The following ARFGEF3 variants were observed in gnomAD, a reference collection of about 807,000 sequenced individuals.
ARFGEF3 encodes the protein brefeldin A-inhibited guanine nucleotide-exchange protein 3.
ARFGEF3 carries 96 observed loss-of-function variants against 221.7 expected under a neutral mutation model. That is an observed-to-expected ratio of 0.43 (90% CI 0.37 to 0.51). ARFGEF3 has a LOEUF of 0.51. ARFGEF3 is among the 20% of genes least tolerant of loss of function. The probability of loss-of-function intolerance (pLI) is 0.00; values close to 1 mark genes in which losing one functional copy is unlikely to be tolerated. For synonymous variants in ARFGEF3, 1,145 were observed against 1,126.8 expected (o/e 1.02, Z -0.32); for missense variants, 2,410 against 2,789.9 (o/e 0.86, Z 3.07).
At chr6:138,329,287 C>CATT (rs1780178193) in intron 32 of ARFGEF3, among the ~76,000 whole-genome samples, 1 of 152,160 alleles carries the variant, frequency 6.6e-6, no homozygotes, top group African/African-American at 2.4e-5. Context: ...TTCCTACTCC[C>CATT]ATTTCACCCC....
rs977656684 is a variant in ARFGEF3 at position 138,339,942 on chromosome 6, A to G, written c.*3456A>G. 6.6e-6 allele frequency: 1 copy of G among 152,214 alleles called. No homozygotes were observed. Among genetic ancestry groups the G allele is most frequent in the African/African-American group, 2.4e-5 (1 of 41,448 alleles). 9.4% of individuals were successfully genotyped at this position (152,214 alleles called of 1,614,324 possible). A position where few individuals can be genotyped will look rare whatever the true frequency, so the allele number is the denominator to read the frequency against. On this transcript the variant is annotated 3_prime_UTR_variant, in exon 34 of 34. Transcript: ENST00000251691. ...CATACTTAACAGCTCGCATTAAAATACTTTAAATCAGGCGTGATGGCTCAT... is the reference window on the plus strand; with the variant it reads ...CATACTTAACAGCTCGCATTAAAATGCTTTAAATCAGGCGTGATGGCTCAT...
intron 6 of ARFGEF3, among the ~76,000 whole-genome samples, chr6:138,239,698 A>G (rs551058422): frequency 6.6e-6 from 1 of 151,800 alleles, no homozygotes; most frequent in Non-Finnish European, 1.5e-5. Flanking sequence ...ACAGTCCCAG[A>G]TATCTCTGAA....
At position 138,263,293 on chromosome 6, in the gene ARFGEF3, T is replaced by C. The variant is rs1266663835; in HGVS notation, c.1810T>C (p.Ser604Pro). 3.7e-6 allele frequency: 6 copies of C among 1,613,802 alleles called. No homozygotes were observed. The highest frequency in any genetic ancestry group is 5.1e-6 in the Non-Finnish European group (6 of 1,179,886). The change falls in exon 12 of 34, where the codon TCT becomes CCT. Residue 604 changes from serine to proline, a missense_variant. This residue lies in a region of ARFGEF3 where 594 missense variants were observed against 734.3 expected (regional missense o/e 0.81). Transcript: ENST00000251691. The stretch of plus-strand genomic sequence containing the variant: ...TTTTAGCGTTGATGACCAAGACCTT[T>C]CTAGGACAGAGTTTGATTCCTGTGA... ...SNFSVDDQDLSRTEFDSCDQY... is the reference protein window; with the variant it reads ...SNFSVDDQDLPRTEFDSCDQY...
chr6:138,203,103 C>T (rs1316503905), intron 2 of ARFGEF3, among the ~76,000 whole-genome samples: 1 of 152,184 alleles, frequency 6.6e-6, no homozygotes, highest in East Asian at 1.9e-4. Context: ...CTGTGGATTC[C>T]CTGAAATGAT....
In ARFGEF3 at chr6:138,211,859, A is replaced by G. The variant is rs376345534; in HGVS notation, c.351+1818A>G. Among the ~76,000 whole-genome samples, 28 of 152,302 alleles carry G rather than the reference A, an allele frequency of 1.8e-4. No individual in the cohort carries two copies. The East Asian group carries it at 2.5e-3, about 14-fold the overall frequency. ...TTCTGCTAGCCTTGCCGAAGATAGG[A>G]GTTGACACAGGTTAACTCCACCAGA... On this transcript the variant is annotated intron_variant, in intron 4 of 33. Coordinates refer to ENST00000251691, the MANE Select transcript of ARFGEF3 (RefSeq NM_020340.5).
chr6:138,222,345 G>A (rs1490435701), intron 4 of ARFGEF3, among the ~76,000 whole-genome samples: 2 of 152,224 alleles, frequency 1.3e-5, no homozygotes, highest in Non-Finnish European at 1.5e-5. Flanking sequence ...TGGCCTACAT[G>A]TGCCCCGTGG....
At chr6:138,226,462 A>G (rs912436248) in intron 4 of ARFGEF3, among the ~76,000 whole-genome samples, 1 of 152,106 alleles carries the variant, frequency 6.6e-6, no homozygotes, top group Non-Finnish European at 1.5e-5. Context: ...TTCCCTTTTC[A>G]TGGAAAGCTT....
chr6:138,262,790 C>G lies in ARFGEF3; in HGVS notation c.1307C>G (p.Ala436Gly). The G allele has an allele frequency of 6.2e-7, 1 of 1,614,012 alleles. No homozygotes were observed. The highest frequency in any genetic ancestry group is 1.3e-5 in the African/African-American group (1 of 75,056). ...TCCTGTGTCTGCACCTTGCTGGGTG[C>G]CCTGGATGAGCTCAGCCAGGGGAAG... ...AVSCVCTLLG[A>G]LDELSQGKGL... Residue 436 changes from alanine to glycine, a missense_variant, in exon 12 of 34, where the codon GCC becomes GGC. By Grantham distance (60) the Ala-to-Gly change is moderately conservative (BLOSUM62 0). Around this residue, in one of 5 missense-constraint regions of ARFGEF3, gnomAD observed 570 missense variants for 586.9 expected, o/e 0.97. Transcript: ENST00000251691.
At chr6:138,189,319 C>A (rs1444523213) in intron 2 of ARFGEF3, among the ~76,000 whole-genome samples, 1 of 152,170 alleles carries the variant, frequency 6.6e-6, no homozygotes, top group Non-Finnish European at 1.5e-5. Flanking sequence ...TAAGTATTGA[C>A]ACATCATGTC....
At chr6:138,180,727 T>C (rs1777062822) in intron 2 of ARFGEF3, among the ~76,000 whole-genome samples, 1 of 152,244 alleles carries the variant, frequency 6.6e-6, no homozygotes, top group Non-Finnish European at 1.5e-5. Context: ...TCAGCCTTTC[T>C]GGGCTCAGTG....
At chr6:138,324,750 G>A (rs550113466) in intron 31 of ARFGEF3, among the ~76,000 whole-genome samples, 1 of 152,206 alleles carries the variant, frequency 6.6e-6, no homozygotes, top group Non-Finnish European at 1.5e-5. Context: ...TTAGAGCAAA[G>A]CCTAGAGAAG....
intron 2 of ARFGEF3, among the ~76,000 whole-genome samples, chr6:138,178,261 C>T (rs1776994993): frequency 1.3e-5 from 2 of 152,128 alleles, no homozygotes; most frequent in South Asian, 4.1e-4. Context: ...GCTCCTCTTC[C>T]TTCCACATGC....
chr6:138,225,125 A>G (rs567374819), intron 4 of ARFGEF3, among the ~76,000 whole-genome samples: 1 of 152,346 alleles, frequency 6.6e-6, no homozygotes, highest in East Asian at 1.9e-4. Context: ...GGGAACAACT[A>G]GGATCTGTCT....
intron 28 of ARFGEF3, among the ~76,000 whole-genome samples, chr6:138,320,504 C>T (rs906325917): frequency 7.2e-5 from 11 of 152,218 alleles, no homozygotes; most frequent in South Asian, 2.1e-4. Context: ...TGTGGGTGTC[C>T]GGGAGCAGAA....
At chr6:138,272,187 G>A (rs554887485) in intron 12 of ARFGEF3, among the ~76,000 whole-genome samples, 60 of 134,662 alleles carry the variant, frequency 4.5e-4, no homozygotes, top group African/African-American at 1.7e-3. Context: ...CAAGAGTCTC[G>A]CTCTGTCACC....
chr6:138,280,010 G>A lies in ARFGEF3; in HGVS notation c.2307G>A (p.Met769Ile), dbSNP rs775129892. 2.5e-6 allele frequency: 4 copies of A among 1,613,930 alleles called. No homozygotes were observed. The highest frequency in any genetic ancestry group is 3.3e-5 in the Admixed American group (2 of 60,022). Residue 769 changes from methionine (M) to isoleucine (I), a missense_variant, in exon 14 of 34, where the codon ATG becomes ATA. Met to Ile is a conservative substitution (Grantham distance 10). Coordinates refer to ENST00000251691, the MANE Select transcript of ARFGEF3 (RefSeq NM_020340.5). ...CGATCTCTCTGTAGAAGGACTTCAT[G>A]AAGCAGGTGCAGACCAGCGGCGTGC... is the stretch of plus-strand genomic sequence containing the variant. ...TLAPGVMKDFMKQVQTSGVLM... is the reference protein window; with the variant it reads ...TLAPGVMKDFIKQVQTSGVLM...
rs1355073232 is a variant in ARFGEF3 at position 138,341,405 on chromosome 6, A to AT, written c.*4922dup. 2 of 154,878 alleles carry AT rather than the reference A, an allele frequency of 1.3e-5. No homozygotes were observed. The highest frequency in any genetic ancestry group is 4.8e-5 in the African/African-American group (2 of 41,526). 9.6% of individuals were successfully genotyped at this position (154,878 alleles called of 1,614,324 possible). ...TAACCATGTGCCATAACATCTACAC[A>AT]TTTCCACTTGTTTTACAGACAAGGT... On this transcript the variant is annotated 3_prime_UTR_variant, in exon 34 of 34. Transcript: ENST00000251691.
At chr6:138,242,789 G>T (rs1778416804) in intron 6 of ARFGEF3, among the ~76,000 whole-genome samples, 163 bp from the exon 7 acceptor site, 1 of 152,156 alleles carries the variant, frequency 6.6e-6, no homozygotes, top group Non-Finnish European at 1.5e-5. Context: ...CGTGAATAAT[G>T]AAACGCTCTC....
intron 22 of ARFGEF3, among the ~76,000 whole-genome samples, chr6:138,301,060 C>G (rs1477020607): frequency 6.6e-6 from 1 of 152,046 alleles, no homozygotes. Context: ...ACACAGGAAC[C>G]CAGATATCAG....
Sources: allele counts gnomAD v4.1 joint callset (sites outside exome capture counted in the v4.1 genomes callset), GRCh38; gene constraint gnomAD v4.1.1; regional missense constraint gnomAD v4.1.1; transcripts MANE v1.5; gene names NCBI Gene and HGNC (gene_info 2026-07-23, HGNC 2026-07-21).